The following LRRC23 variants were observed in gnomAD, a reference collection of about 807,000 sequenced individuals.
The protein encoded by LRRC23 is leucine-rich repeat-containing protein 23.
Under a neutral mutation model 37.7 loss-of-function variants are expected in LRRC23, and 28 were observed. The observed-to-expected ratio is 0.74, with a 90% confidence interval of 0.55 to 1.02. The LOEUF is 1.02. Ranked by LOEUF, LRRC23 falls within the 50% of genes least tolerant of loss-of-function variation. LRRC23 has a pLI of 0.00. For synonymous variants in LRRC23, 161 were observed against 165.4 expected (o/e 0.97, Z 0.20); for missense variants, 377 against 413.2 (o/e 0.91, Z 0.76).
intron 7 of LRRC23, chr12:6,913,280 G>C (rs1945214696): frequency 2.1e-6 from 1 of 472,280 alleles, no homozygotes. Context: ...GAGTTGGTGG[G>C]GGGTGGGGCA....
chr12:6,913,946 A>C lies in LRRC23; in HGVS notation c.*80A>C, dbSNP rs116003276. 1.5e-4 allele frequency: 247 copies of C among 1,613,220 alleles called. 1 individual carries two copies. The African/African-American group carries it at 3.0e-3, about 19-fold the overall frequency. On this transcript the variant is annotated 3_prime_UTR_variant, in exon 8 of 8. Coordinates refer to ENST00000443597, the MANE Select transcript of LRRC23 (RefSeq NM_001135217.2). The stretch of plus-strand genomic sequence containing the variant: ...TCAGACTCCCAGGGGCAGCCACCAC[A>C]TGTATGACAGAGAACAGAGGATGCC...
chr12:6,911,266 C>G (rs1347225836), intron 6 of LRRC23, among the ~76,000 whole-genome samples: 2 of 152,144 alleles, frequency 1.3e-5, no homozygotes, highest in East Asian at 3.8e-4. Context: ...TTTCCTTAGT[C>G]AACAAGACCA....
In LRRC23 at chr12:6,912,984, C is replaced by T; in HGVS notation, c.1013C>T (p.Pro338Leu). 1 of 1,613,990 alleles carries T rather than the reference C, an allele frequency of 6.2e-7. No individual in the cohort carries two copies. The highest frequency in any genetic ancestry group is 1.3e-5 in the African/African-American group (1 of 74,962). Residue 338 changes from proline (P) to leucine (L), a missense_variant, in exon 7 of 8, where the codon CCC becomes CTC. By Grantham distance (98) the Pro-to-Leu change is moderately conservative. Transcript: ENST00000443597. The part of the protein sequence containing the change: ...QEPEPQRDLE[P>L]EQSLI The stretch of plus-strand genomic sequence containing the variant: ...CCTGAGCCCCAGCGTGACCTGGAAC[C>T]CGAACAGTCATTGATCTAGCAGCAG...
At chr12:6,910,338 C>G (rs1555140558) in intron 6 of LRRC23, among the ~76,000 whole-genome samples, 1 of 152,104 alleles carries the variant, frequency 6.6e-6, no homozygotes. Flanking sequence ...ACTCCCAGCA[C>G]TTTAGGAGGA....
In LRRC23 at chr12:6,912,844, G is replaced by A. The variant is rs782117272; in HGVS notation, c.873G>A (p.Glu291=). 8 of 1,614,036 alleles carry A rather than the reference G, an allele frequency of 5.0e-6. No homozygotes were observed. The East Asian group carries it at 1.8e-4, about 36-fold the overall frequency. The change falls in exon 7 of 8, where the codon GAG becomes GAA. Residue 291 remains glutamate (E), a synonymous_variant. Coordinates refer to ENST00000443597, the MANE Select transcript of LRRC23 (RefSeq NM_001135217.2). ...CGGACGAAACCAGCTACCGCCAGGAGGCCCTGGTGCAGATGCCATACCTTG... is the reference window on the plus strand; with the variant it reads ...CGGACGAAACCAGCTACCGCCAGGAAGCCCTGGTGCAGATGCCATACCTTG... ...PCTDETSYRQ[E]ALVQMPYLER...
Position 6,908,756 on chromosome 12 carries a change from G to A in LRRC23, c.622-1134G>A, listed in dbSNP as rs150628245. ...GGAGAATGGCGTGAACCCAGGAGGC[G>A]GGGCTTGCAGTGAGCCGAGATTGCG... On this transcript the variant is annotated intron_variant, in intron 5 of 7. Transcript: ENST00000443597. Among the ~76,000 whole-genome samples the A allele has an allele frequency of 8.6e-3, 1,290 of 149,190 alleles. 61 individuals are homozygous for A. Among genetic ancestry groups the A allele is most frequent in the Admixed American group, 0.069 (1,015 of 14,756 alleles).
chr12:6,911,667 C>A (rs1945164198), intron 6 of LRRC23, among the ~76,000 whole-genome samples: 1 of 152,118 alleles, frequency 6.6e-6, no homozygotes, highest in South Asian at 2.1e-4. Context: ...TGAGATCAGG[C>A]TGAAACACTT....
intron 4 of LRRC23, 190 bp downstream of exon 4, chr12:6,906,852 C>T (rs1278934523): frequency 6.3e-6 from 4 of 639,072 alleles, no homozygotes; most frequent in East Asian, 2.8e-5. Context: ...AGGAACGTCC[C>T]TATTCTCATA....
In LRRC23 at chr12:6,914,089, AGCCTAGGCCGGGGGCCGCCCTCG is replaced by A; in HGVS notation, c.*225_*247del. 6.5e-7 allele frequency: 1 copy of A among 1,533,340 alleles called. No homozygotes were observed. Among genetic ancestry groups the A allele is most frequent in the Non-Finnish European group, 8.7e-7 (1 of 1,143,378 alleles). The allele number at this position is 1,533,340 out of a possible 1,614,324, so 95.0% of individuals were successfully genotyped here. On this transcript the variant is annotated 3_prime_UTR_variant, in exon 8 of 8. Coordinates refer to ENST00000443597, the MANE Select transcript of LRRC23 (RefSeq NM_001135217.2). The surrounding 1 kb of genome is among the most constrained non-coding windows in gnomAD (Gnocchi z 7.1). Reference sequence around the variant, plus strand: ...GTGCCTAGGCCTGAGCGTTGCCTGGAGCCTAGGCCGGGGGCCGCCCTCGGGCAGGCGTGGGTGAGAGCCAAGAC... The same window carrying A: ...GTGCCTAGGCCTGAGCGTTGCCTGGAGGCAGGCGTGGGTGAGAGCCAAGAC...
At chr12:6,907,743 C>G (rs781834305) in intron 5 of LRRC23, 31 of 574,922 alleles carry the variant, frequency 5.4e-5, no homozygotes, top group African/African-American at 5.2e-4. Context: ...ACCCTCCTCT[C>G]AGACTGGGTT....
Position 6,907,447 on chromosome 12 carries a change from T to C in LRRC23, c.621+2T>C. 6.2e-7 allele frequency: 1 copy of C among 1,613,964 alleles called. No individual in the cohort carries two copies. The highest frequency in any genetic ancestry group is 8.5e-7 in the Non-Finnish European group (1 of 1,179,982). ...CCTAAGCTGAAGAACCTCTACCTGG[T>C]AGCTCACTGGGTCAGAGGGTGGTGC... On this transcript the variant is annotated splice_donor_variant, in intron 5 of 7. Coordinates refer to ENST00000443597, the MANE Select transcript of LRRC23 (RefSeq NM_001135217.2). LOFTEE classifies it high-confidence loss of function.
chr12:6,906,310 T>C lies in LRRC23; in HGVS notation c.237-99T>C, dbSNP rs147948485. ...CTGTTGCCCATTCTTCTCCCCATTA[T>C]AAGCCATCTCCATATTGCCTTCTGC... is the stretch of plus-strand genomic sequence containing the variant. On this transcript the variant is annotated intron_variant, in intron 3 of 7. Transcript: ENST00000443597. 903 of 1,167,524 alleles carry C rather than the reference T, an allele frequency of 7.7e-4. 6 individuals are homozygous for C. The African/African-American group carries it at 0.012, about 16-fold the overall frequency. 72.3% of individuals were successfully genotyped at this position (1,167,524 alleles called of 1,614,324 possible).
chr12:6,913,906 G>C lies in LRRC23; in HGVS notation c.*40G>C. On this transcript the variant is annotated 3_prime_UTR_variant, in exon 8 of 8. Coordinates refer to ENST00000443597, the MANE Select transcript of LRRC23 (RefSeq NM_001135217.2). ...CTACCTCCAGGAGATCAAAGACGCTGGCCTTCAGACCTGATCAGACTCCCA... is the reference window on the plus strand; with the variant it reads ...CTACCTCCAGGAGATCAAAGACGCTCGCCTTCAGACCTGATCAGACTCCCA... 2 of 1,594,356 alleles carry C rather than the reference G, an allele frequency of 1.3e-6. No homozygotes were observed. The highest frequency in any genetic ancestry group is 1.7e-6 in the Non-Finnish European group (2 of 1,171,962).
rs1555139441 is a variant in LRRC23, at chr12:6,905,862, C to T, written c.144C>T (p.Leu48=). ...ACCTGCAGTGGCTGCCCACCCCCCT[C>T]ACGGAGGACATGATGAAGGAAGGGC... ...EFPEEWLPTP[L]TEDMMKEGLS... The change falls in exon 3 of 8, where the codon CTC becomes CTT. Residue 48 remains leucine (L), a synonymous_variant. Transcript: ENST00000443597. 4.3e-6 allele frequency: 7 copies of T among 1,613,960 alleles called. 1 individual carries two copies. Among genetic ancestry groups the T allele is most frequent in the Admixed American group, 3.3e-5 (2 of 59,994 alleles).
At chr12:6,912,531 ATTCC>A (rs1473425757) in intron 6 of LRRC23, among the ~76,000 whole-genome samples, 195 bp from the exon 7 acceptor site, 2 of 152,086 alleles carry the variant, frequency 1.3e-5, no homozygotes, top group Non-Finnish European at 2.9e-5. Context: ...GCACTTAGGG[ATTCC>A]TTGAAGGGCA....
Position 6,905,964 on chromosome 12 carries a change from G to T in LRRC23, c.236+10G>T, listed in dbSNP as rs782049999. 3 of 1,609,478 alleles carry T rather than the reference G, an allele frequency of 1.9e-6. No individual in the cohort carries two copies. Among genetic ancestry groups the T allele is most frequent in the South Asian group, 2.2e-5 (2 of 90,888 alleles). On this transcript the variant is annotated intron_variant, in intron 3 of 7. Transcript: ENST00000443597. ...TGGAGGTTAAAGAGAGGTGCGTTTT[G>T]GGGGGACCAGATGAGGACTGTGAGA... is the stretch of plus-strand genomic sequence containing the variant.
At chr12:6,906,329 C>T in intron 3 of LRRC23, 80 bp from the exon 4 acceptor site, 1 of 1,395,936 alleles carries the variant, frequency 7.2e-7, no homozygotes, top group African/African-American at 1.4e-5. Context: ...TCCATATTGC[C>T]TTCTGCTTTA....
Position 6,905,716 on chromosome 12 carries a change from A to G in LRRC23, c.83A>G (p.Glu28Gly). The G allele has an allele frequency of 1.2e-6, 2 of 1,611,460 alleles. No homozygotes were observed. Among genetic ancestry groups the G allele is most frequent in the Non-Finnish European group, 8.5e-7 (1 of 1,179,272 alleles). ...GAAGAGGACGAGAAGGAGACAGAGG[A>G]GGGGGAGGACTACAGAAAAGAGGGG... is the stretch of plus-strand genomic sequence containing the variant. ...EKEEDEKETE[E>G]GEDYRKEGEE... is the part of the protein sequence containing the mutation. Residue 28 changes from glutamate to glycine, a missense_variant, in exon 2 of 8, where the codon GAG becomes GGG. Around this residue, in one of 3 missense-constraint regions of LRRC23, gnomAD observed 106 missense variants for 105.9 expected, o/e 1.00. Transcript: ENST00000443597.
intron 6 of LRRC23, among the ~76,000 whole-genome samples, chr12:6,912,412 C>A (rs1945181712): frequency 6.6e-6 from 1 of 152,146 alleles, no homozygotes; most frequent in African/African-American, 2.4e-5. Flanking sequence ...CAGAAAATGT[C>A]TCTCCCTGTG....
Sources: gnomAD v4.1 joint callset for allele counts (sites outside exome capture counted in the v4.1 genomes callset) on GRCh38, gnomAD v4.1.1 for gene constraint, gnomAD v4.1.1 regional missense constraint, Gnocchi (gnomAD v3.1) non-coding constraint, MANE v1.5 for transcripts, NCBI Gene and HGNC (gene_info 2026-07-23, HGNC 2026-07-21) for gene names.